The following ERC2 variants were observed in gnomAD, a reference collection of about 807,000 sequenced individuals.
ERC2 encodes the protein ERC protein 2.
Under a neutral mutation model 114.8 loss-of-function variants are expected in ERC2, and 42 were observed. The ratio of observed to expected loss-of-function variants is 0.37; its 90% CI spans 0.29 to 0.47. ERC2 has a LOEUF of 0.47. Among genes scored for constraint, ERC2 ranks in the 20% least tolerant of loss-of-function variants. ERC2 has a pLI of 0.99. For synonymous variants in ERC2, 454 were observed against 425.5 expected, an observed-to-expected ratio of 1.07 and a Z score of -0.82; for missense variants, 939 against 1,150.7, an observed-to-expected ratio of 0.82 and a Z score of 2.66.
intron 3 of ERC2, among the ~76,000 whole-genome samples, chr3:56,233,158 T>C (rs145314995): frequency 1.9e-3 from 296 of 152,342 alleles, no homozygotes; most frequent in African/African-American, 6.9e-3. Context: ...TCAATCAATA[T>C]TGCCAAATGG....
intron 13 of ERC2, among the ~76,000 whole-genome samples, chr3:55,943,136 C>T (rs747076891): frequency 6.6e-6 from 1 of 152,138 alleles, no homozygotes; most frequent in Admixed American, 6.5e-5. Context: ...ACTAGACTGG[C>T]CCTTTTGATG....
intron 3 of ERC2, among the ~76,000 whole-genome samples, chr3:56,188,830 TGATAGTTG>T (rs2083802072): frequency 1.3e-5 from 2 of 152,198 alleles, no homozygotes; most frequent in Admixed American, 6.5e-5. Context: ...GACGCAGCTC[TGATAGTTG>T]GAAAGTTCTC....
chr3:56,432,320 T>A (rs966613553), intron 2 of ERC2, among the ~76,000 whole-genome samples: 6 of 152,164 alleles, frequency 3.9e-5, no homozygotes, highest in Middle Eastern at 3.2e-3. Context: ...GCTTTCAAAC[T>A]TTTTGTCCCT....
chr3:55,879,343 TC>T (rs1303899220), intron 14 of ERC2, among the ~76,000 whole-genome samples: 2 of 152,078 alleles, frequency 1.3e-5, no homozygotes, highest in African/African-American at 4.8e-5. Context: ...AGAAAAATCT[TC>T]CTCCTCTCAA....
At chr3:55,938,070 G>T in intron 13 of ERC2, among the ~76,000 whole-genome samples, 1 of 152,110 alleles carries the variant, frequency 6.6e-6, no homozygotes, top group Non-Finnish European at 1.5e-5. Context: ...ACATTTCCTA[G>T]TATGTCTTAT....
chr3:56,184,968 C>G (rs1243132833), intron 3 of ERC2: 1 of 152,206 alleles, frequency 6.6e-6, no homozygotes, highest in Non-Finnish European at 1.5e-5. Context: ...CCTCCCTGAA[C>G]CTTATGCACT....
intron 2 of ERC2, among the ~76,000 whole-genome samples, chr3:56,433,429 AC>A (rs2061883024): frequency 6.6e-6 from 1 of 152,222 alleles, no homozygotes; most frequent in South Asian, 2.1e-4. Context: ...TGAGAAGGCC[AC>A]CAGTGGAAGG....
chr3:55,551,601 A>G (rs1055297449), intron 17 of ERC2, among the ~76,000 whole-genome samples: 8 of 152,226 alleles, frequency 5.3e-5, no homozygotes, highest in African/African-American at 1.9e-4. Context: ...CCAAAATCTG[A>G]TGGGGTAGGC....
Position 55,899,320 on chromosome 3 carries a change from C to T in ERC2, c.2404-10771G>A, listed in dbSNP as rs148648004. 2.7e-3 allele frequency among the ~76,000 whole-genome samples: 408 copies of T among 152,088 alleles called. 8 individuals carry two copies. Among genetic ancestry groups the T allele is most frequent in the East Asian group, 0.015 (78 of 5,176 alleles). ...ATATATAATAAGGGATTTTCCCAGA[C>T]GAATTTACTCTAAGGATATAATAAG... On this transcript the variant is annotated intron_variant, in intron 13 of 17. Transcript: ENST00000288221.
chr3:56,042,043 ACT>A (rs1254764454), intron 7 of ERC2, among the ~76,000 whole-genome samples: 2 of 152,180 alleles, frequency 1.3e-5, no homozygotes, highest in Non-Finnish European at 2.9e-5. Context: ...TGAGGTTCAC[ACT>A]CAGACAGACT....
At chr3:55,687,948 C>T (rs1397042842) in intron 16 of ERC2, among the ~76,000 whole-genome samples, 1 of 152,220 alleles carries the variant, frequency 6.6e-6, no homozygotes, top group Non-Finnish European at 1.5e-5. Flanking sequence ...AGGTTTTCTG[C>T]TAAGGTCAAG....
intron 7 of ERC2, among the ~76,000 whole-genome samples, chr3:56,047,874 G>A (rs75852720): frequency 0.011 from 1,730 of 152,162 alleles, 5 homozygotes; most frequent in Middle Eastern, 0.021. Flanking sequence ...ACAAGCCCAT[G>A]TTCACATTCA....
At chr3:55,902,673 A>G (rs112406877) in intron 13 of ERC2, among the ~76,000 whole-genome samples, 197 of 152,310 alleles carry the variant, frequency 1.3e-3, no homozygotes, top group African/African-American at 4.6e-3. Context: ...TCTTCCAGTC[A>G]TCAGCGTGCT....
rs145025374 is a variant in ERC2, at chr3:55,796,840, C to T, written c.2565-61922G>A. On this transcript the variant is annotated intron_variant, in intron 14 of 17. Coordinates refer to ENST00000288221, the MANE Select transcript of ERC2 (RefSeq NM_015576.3). ...CAAGCCTAATATATTTACTATCTGG[C>T]CTTTTAAGAAAAAGCTTGTCAACTC... 5.2e-4 allele frequency among the ~76,000 whole-genome samples: 79 copies of T among 152,284 alleles called. 2 individuals are homozygous for T. The East Asian group carries it at 0.014, about 28-fold the overall frequency.
intron 13 of ERC2, among the ~76,000 whole-genome samples, chr3:55,946,730 A>G (rs1163041479): frequency 7.9e-5 from 12 of 152,102 alleles, no homozygotes; most frequent in African/African-American, 2.2e-4. Context: ...GGCCAGTTCA[A>G]CTCCACGGTT....
At chr3:55,582,010 A>T (rs1410289832) in intron 17 of ERC2, among the ~76,000 whole-genome samples, 3 of 152,198 alleles carry the variant, frequency 2.0e-5, no homozygotes, top group Non-Finnish European at 4.4e-5. Flanking sequence ...CTGCAGTTAT[A>T]CACAGGCTCT....
At chr3:56,135,180 T>C (rs751627599) in intron 6 of ERC2, among the ~76,000 whole-genome samples, 3 of 152,112 alleles carry the variant, frequency 2.0e-5, no homozygotes, top group Non-Finnish European at 4.4e-5. Context: ...CTCAAACTCC[T>C]GACCCTAAGT....
rs112067114 is a variant in ERC2 at position 56,195,500 on chromosome 3, C to CGTGTGTGTGTGTGTGT, written c.1075-21996_1075-21981dup. ...GGATGTGTTTGTGTGTGCGTGTGTG[C>CGTGTGTGTGTGTGTGT]GTGTGTGTGTGTGTGTGTGTTCTCT... On this transcript the variant is annotated intron_variant, in intron 3 of 17. Coordinates refer to ENST00000288221, the MANE Select transcript of ERC2 (RefSeq NM_015576.3). 2.0e-3 allele frequency among the ~76,000 whole-genome samples: 306 copies of CGTGTGTGTGTGTGTGT among 150,020 alleles called. 1 individual carries two copies. Among genetic ancestry groups the CGTGTGTGTGTGTGTGT allele is most frequent in the Non-Finnish European group, 3.0e-3 (202 of 67,538 alleles).
At chr3:55,566,346 G>A (rs985723787) in intron 17 of ERC2, among the ~76,000 whole-genome samples, 2 of 152,220 alleles carry the variant, frequency 1.3e-5, no homozygotes, top group South Asian at 2.1e-4. Context: ...TAGCCTGCAT[G>A]TATCAGGCCT....
Sources: allele counts gnomAD v4.1 joint callset (sites outside exome capture counted in the v4.1 genomes callset), GRCh38; gene constraint gnomAD v4.1.1; transcripts MANE v1.5; gene names NCBI Gene and HGNC (gene_info 2026-07-23, HGNC 2026-07-21).